UNC80: variants seen among roughly 807,000 people sequenced by gnomAD.
The protein encoded by UNC80 is protein unc-80 homolog.
Under a neutral mutation model 384.6 loss-of-function variants are expected in UNC80, and 164 were observed. The ratio of observed to expected loss-of-function variants is 0.43; its 90% CI spans 0.38 to 0.49. The LOEUF (loss-of-function observed/expected upper bound fraction) is 0.49. UNC80 is among the 20% of genes least tolerant of loss of function. The pLI, the probability that UNC80 is intolerant of heterozygous loss-of-function variation, is 0.00. For synonymous variants in UNC80, 1,486 were observed against 1,527.8 expected (o/e 0.97, Z 0.64); for missense variants, 3,330 against 4,143.0 (o/e 0.80, Z 5.39).
chr2:209,854,753 C>T (rs1451057475), intron 22 of UNC80, among the ~76,000 whole-genome samples: 5 of 152,164 alleles, frequency 3.3e-5, no homozygotes, highest in African/African-American at 1.2e-4. Context: ...GAGATACCAT[C>T]TCACACCAGT....
chr2:209,878,838 T>C (rs2085012099), intron 24 of UNC80, among the ~76,000 whole-genome samples: 1 of 152,192 alleles, frequency 6.6e-6, no homozygotes, highest in Non-Finnish European at 1.5e-5. Context: ...TGAGATCTCT[T>C]CCTCCTGACC....
chr2:209,939,912 G>A (rs556930778), intron 43 of UNC80, among the ~76,000 whole-genome samples: 1 of 152,270 alleles, frequency 6.6e-6, no homozygotes, highest in South Asian at 2.1e-4. Context: ...TGTAAAACCA[G>A]TGCTTCTCAG....
intron 59 of UNC80, among the ~76,000 whole-genome samples, chr2:209,980,039 A>C (rs769509396): frequency 2.0e-5 from 3 of 152,238 alleles, no homozygotes; most frequent in Non-Finnish European, 4.4e-5. Flanking sequence ...AGACAAGGGA[A>C]AAATCATATT....
chr2:209,977,460 A>G (rs1417810364), intron 58 of UNC80, among the ~76,000 whole-genome samples: 1 of 152,220 alleles, frequency 6.6e-6, no homozygotes, highest in Non-Finnish European at 1.5e-5. Context: ...CTTCTATTTT[A>G]TGGTAGATTA....
rs1290092936 is a variant in UNC80 at position 209,995,497 on chromosome 2, GAAA to G, written c.9879_9881del (p.Glu3293_Asn3294delinsAsp). 31 of 1,551,842 alleles carry G rather than the reference GAAA, an allele frequency of 2.0e-5. No individual in the cohort carries two copies. Among genetic ancestry groups the G allele is most frequent in the Admixed American group, 5.9e-5 (3 of 51,000 alleles). On this transcript the variant is annotated inframe_deletion, in exon 65 of 65. Transcript: ENST00000673920. ...AGACACTGTCCTTCATATCAGTGAG[GAAA>G]ATGGCATGGAGAACCCGCTACTATC...
chr2:209,778,394 T>C (rs2076981233), intron 4 of UNC80, among the ~76,000 whole-genome samples: 1 of 149,684 alleles, frequency 6.7e-6, no homozygotes, highest in Non-Finnish European at 1.5e-5. Context: ...AGCGAGACTC[T>C]GTCTTAAAAT....
chr2:209,806,435 T>G (rs1456514568), intron 7 of UNC80, among the ~76,000 whole-genome samples: 2 of 152,246 alleles, frequency 1.3e-5, no homozygotes, highest in African/African-American at 4.8e-5. Context: ...TTCCCTGACA[T>G]ATATGTGCGT....
Position 209,959,597 on chromosome 2 carries a change from T to C in UNC80, c.7695T>C (p.Ile2565=), listed in dbSNP as rs1293956587. Residue 2565 remains isoleucine, a synonymous_variant, in exon 51 of 65, where the codon ATT becomes ATC. Coordinates refer to ENST00000673920, the MANE Select transcript of UNC80 (RefSeq NM_001371986.1). ...FRRPRESLLN[I]CTEFYKHCGP... ...GACCCCGGGAGTCCTTACTGAATAT[T>C]TGCACTGAGTTCTATAAGCACTGTG... 6.4e-7 allele frequency: 1 copy of C among 1,551,574 alleles called. No individual in the cohort carries two copies. The highest frequency in any genetic ancestry group is 8.7e-7 in the Non-Finnish European group (1 of 1,146,998).
Position 209,817,804 on chromosome 2 carries a change from C to T in UNC80, c.1553-8C>T. 2.6e-6 allele frequency: 4 copies of T among 1,551,524 alleles called. No individual in the cohort carries two copies. The highest frequency in any genetic ancestry group is 3.5e-6 in the Non-Finnish European group (4 of 1,146,922). ...AACCCTCTTGTGGGGTGCTCTTATT[C>T]ATCCCAGGGAAATTGACCCGGCGAG... On this transcript the variant is annotated splice_polypyrimidine_tract_variant and splice_region_variant and intron_variant, in intron 10 of 64. Transcript: ENST00000673920.
chr2:209,914,537 C>A (rs984132260), intron 31 of UNC80, among the ~76,000 whole-genome samples: 25 of 151,700 alleles, frequency 1.6e-4, no homozygotes, highest in African/African-American at 6.1e-4. Context: ...TGCCCTCTCT[C>A]CTATGACCCG....
intron 34 of UNC80, among the ~76,000 whole-genome samples, chr2:209,921,947 C>G (rs1364222879): frequency 6.6e-6 from 1 of 152,134 alleles, no homozygotes; most frequent in East Asian, 1.9e-4. Flanking sequence ...GTAAATGCAA[C>G]CAATCTTTCA....
intron 55 of UNC80, 31 bp downstream of exon 55, chr2:209,972,355 CATT>C (rs1208121357): frequency 8.4e-6 from 13 of 1,547,200 alleles, no homozygotes; most frequent in Admixed American, 2.0e-5. Flanking sequence ...GGAAATTTAT[CATT>C]GTTGTTGTGT....
intron 7 of UNC80, chr2:209,796,029 A>C (rs1327096169): frequency 6.6e-6 from 1 of 152,310 alleles, no homozygotes; most frequent in Admixed American, 6.5e-5. Context: ...ATGCACCTGG[A>C]AAAGCCGCAG....
rs577992134 is a variant in UNC80 at position 209,860,149 on chromosome 2, T to A, written c.3627+10526T>A. On this transcript the variant is annotated intron_variant, in intron 22 of 64. Transcript: ENST00000673920. ...TATTGCCTAGGTTTTCTTCTAGGAT[T>A]TTTATGGTTTGGGGTTTTACATTTA... Among the ~76,000 whole-genome samples the A allele has an allele frequency of 3.9e-5, 6 of 152,320 alleles. No individual in the cohort carries two copies. The East Asian group carries it at 1.2e-3, about 29-fold the overall frequency.
chr2:209,902,904 CGTGTGTGTGT>C (rs56102642), intron 28 of UNC80, among the ~76,000 whole-genome samples: 78 of 141,306 alleles, frequency 5.5e-4, no homozygotes, highest in South Asian at 1.4e-3. Context: ...CCTGTATACA[CGTGTGTGTGT>C]GTGTGTGTGT....
At chr2:209,829,145 C>G (rs2080769276) in intron 14 of UNC80, 87 bp from the exon 15 acceptor site, 1 of 1,481,428 alleles carries the variant, frequency 6.8e-7, no homozygotes, top group Non-Finnish European at 9.1e-7. Context: ...GAAACCCTTG[C>G]CTTCTGAAGG....
At chr2:209,955,997 G>A (rs970525937) in intron 48 of UNC80, among the ~76,000 whole-genome samples, 1 of 151,702 alleles carries the variant, frequency 6.6e-6, no homozygotes, top group Non-Finnish European at 1.5e-5. Context: ...ACCCACCTCG[G>A]CCTCCTAAAG....
intron 7 of UNC80, chr2:209,809,005 C>T (rs2079134141): frequency 2.9e-6 from 1 of 344,028 alleles, no homozygotes; most frequent in South Asian, 2.6e-5. Context: ...CAGGGCCTCC[C>T]TCCAACTGAG....
chr2:209,994,406 A>G, intron 64 of UNC80, 142 bp downstream of exon 64: 1 of 701,644 alleles, frequency 1.4e-6, no homozygotes, highest in African/African-American at 1.8e-5. Context: ...TCCTGCCATC[A>G]TGAAAGAGAA....
Sources: allele counts gnomAD v4.1 joint callset (sites outside exome capture counted in the v4.1 genomes callset), GRCh38; gene constraint gnomAD v4.1.1; transcripts MANE v1.5; gene names NCBI Gene and HGNC (gene_info 2026-07-23, HGNC 2026-07-21).